The following UNC5D variants were observed in gnomAD, a reference collection of about 807,000 sequenced individuals.
UNC5D encodes netrin receptor UNC5D.
Under a neutral mutation model 105.4 loss-of-function variants are expected in UNC5D, and 39 were observed. The ratio of observed to expected loss-of-function variants is 0.37; its 90% confidence interval spans 0.29 to 0.48. The LOEUF (loss-of-function observed/expected upper bound fraction) is 0.48. Ranked by LOEUF, UNC5D falls within the 20% of genes least tolerant of loss-of-function variation. The pLI is 0.98. For synonymous variants in UNC5D, 452 were observed against 450.4 expected (o/e 1.00, Z -0.04); for missense variants, 991 against 1,202.4 (o/e 0.82, Z 2.60).
At chr8:35,527,641 C>CTCAGCAGG (rs1813974251) in intron 1 of UNC5D, among the ~76,000 whole-genome samples, 1 of 152,050 alleles carries the variant, frequency 6.6e-6, no homozygotes, top group African/African-American at 2.4e-5. Context: ...TTCCTGGGTT[C>CTCAGCAGG]AAGCGATTCT....
intron 13 of UNC5D, among the ~76,000 whole-genome samples, chr8:35,755,098 G>A (rs1473178642): frequency 6.6e-6 from 1 of 152,052 alleles, no homozygotes; most frequent in East Asian, 1.9e-4. Flanking sequence ...TTGAGAAATG[G>A]TGATATATCT....
chr8:35,297,809 G>T (rs1231902686), intron 1 of UNC5D, among the ~76,000 whole-genome samples: 2 of 151,764 alleles, frequency 1.3e-5, no homozygotes, highest in Non-Finnish European at 2.9e-5. Context: ...AGCTTAATAA[G>T]GCTCCATATC....
intron 3 of UNC5D, among the ~76,000 whole-genome samples, chr8:35,581,375 A>C (rs1227098527): frequency 6.6e-6 from 1 of 152,118 alleles, no homozygotes; most frequent in Non-Finnish European, 1.5e-5. Context: ...TGCCTACCTG[A>C]CACATCCACT....
At chr8:35,267,426 C>T (rs1019944535) in intron 1 of UNC5D, among the ~76,000 whole-genome samples, 3 of 151,976 alleles carry the variant, frequency 2.0e-5, no homozygotes, top group Non-Finnish European at 4.4e-5. Flanking sequence ...GGGAAGTGAC[C>T]ATGAATATTT....
At chr8:35,538,206 A>G (rs1254529587) in intron 1 of UNC5D, among the ~76,000 whole-genome samples, 2 of 151,612 alleles carry the variant, frequency 1.3e-5, no homozygotes, top group Non-Finnish European at 2.9e-5. Flanking sequence ...GAGGGGGGAC[A>G]TTCGTATCAT....
chr8:35,427,973 A>G, intron 1 of UNC5D, among the ~76,000 whole-genome samples: 1 of 152,202 alleles, frequency 6.6e-6, no homozygotes, highest in East Asian at 1.9e-4. Flanking sequence ...ACACTTTTCA[A>G]TAACAAAGTC....
chr8:35,689,526 T>C (rs1826248319), intron 7 of UNC5D, among the ~76,000 whole-genome samples: 1 of 152,228 alleles, frequency 6.6e-6, no homozygotes, highest in Non-Finnish European at 1.5e-5. Context: ...CATGTGATTC[T>C]GAAGCCCAGC....
At chr8:35,332,222 G>T (rs553180926) in intron 1 of UNC5D, among the ~76,000 whole-genome samples, 19 of 152,294 alleles carry the variant, frequency 1.2e-4, no homozygotes, top group African/African-American at 3.8e-4. Context: ...TAAAATTCAT[G>T]TTTGATATAG....
chr8:35,642,507 A>G (rs931430108), intron 4 of UNC5D, among the ~76,000 whole-genome samples: 5 of 141,736 alleles, frequency 3.5e-5, no homozygotes, highest in South Asian at 2.1e-4. Flanking sequence ...CCATAGTCAT[A>G]TATCTAAGTT....
intron 1 of UNC5D, among the ~76,000 whole-genome samples, chr8:35,473,247 G>A (rs535117687): frequency 2.8e-4 from 42 of 152,048 alleles, no homozygotes; most frequent in Non-Finnish European, 3.8e-4. Context: ...GGATGGGGAG[G>A]GGAGAATATC....
intron 1 of UNC5D, among the ~76,000 whole-genome samples, chr8:35,356,400 G>A (rs1029838538): frequency 3.9e-5 from 6 of 152,056 alleles, no homozygotes; most frequent in African/African-American, 1.4e-4. Flanking sequence ...CAACTGGGTA[G>A]TACTGAACCC....
At chr8:35,241,477 G>T (rs1331668351) in intron 1 of UNC5D, among the ~76,000 whole-genome samples, 1 of 152,158 alleles carries the variant, frequency 6.6e-6, no homozygotes, top group Admixed American at 6.5e-5. Flanking sequence ...ATAGAAATAT[G>T]AGGGTTGTGT....
intron 1 of UNC5D, among the ~76,000 whole-genome samples, chr8:35,251,090 T>A (rs1243739117): frequency 6.6e-6 from 1 of 152,132 alleles, no homozygotes; most frequent in East Asian, 1.9e-4. Context: ...CCGCCAATGG[T>A]TCACCTCTTC....
chr8:35,758,539 G>T (rs904126874), intron 13 of UNC5D, among the ~76,000 whole-genome samples: 1 of 152,102 alleles, frequency 6.6e-6, no homozygotes, highest in African/African-American at 2.4e-5. Context: ...CCCTGAATAT[G>T]TATTTGTTTT....
At chr8:35,711,607 AT>A (rs1225789737) in intron 8 of UNC5D, among the ~76,000 whole-genome samples, 1 of 151,974 alleles carries the variant, frequency 6.6e-6, no homozygotes, top group Non-Finnish European at 1.5e-5. Flanking sequence ...AGTTTCCCTT[AT>A]GTGTTCTGTT....
intron 1 of UNC5D, among the ~76,000 whole-genome samples, chr8:35,435,749 T>A (rs1192469613): frequency 6.6e-6 from 1 of 152,062 alleles, no homozygotes; most frequent in Non-Finnish European, 1.5e-5. Context: ...GGACACTGTC[T>A]CCTCTGGTTT....
At position 35,791,096 on chromosome 8, in the gene UNC5D, AATC is replaced by A; in HGVS notation, c.*534_*536del. The A allele has an allele frequency of 1.1e-5, 2 of 177,630 alleles. No individual in the cohort carries two copies. The highest frequency in any genetic ancestry group is 1.3e-4 in the South Asian group (1 of 7,704). The allele number at this position is 177,630 out of a possible 1,614,324, so 11.0% of individuals were successfully genotyped here. A position where few individuals can be genotyped will look rare whatever the true frequency, so the allele number is the denominator to read the frequency against. ...GTCAAGGAGGGCATTTAGAATTTAG[AATC>A]TGAGCACATCACACCAGCACCAGCT... On this transcript the variant is annotated 3_prime_UTR_variant, in exon 17 of 17. Coordinates refer to ENST00000404895, the MANE Select transcript of UNC5D (RefSeq NM_080872.4).
chr8:35,627,652 G>T (rs1821768964), intron 4 of UNC5D, among the ~76,000 whole-genome samples: 1 of 152,144 alleles, frequency 6.6e-6, no homozygotes, highest in Non-Finnish European at 1.5e-5. Flanking sequence ...AACTTGACTG[G>T]GCGCGGTGGC....
chr8:35,373,973 G>T (rs772995463), intron 1 of UNC5D, among the ~76,000 whole-genome samples: 4 of 152,102 alleles, frequency 2.6e-5, no homozygotes, highest in Non-Finnish European at 4.4e-5. Flanking sequence ...GGAAGGGAGC[G>T]CAAGGGAGTG....
Sources: allele counts gnomAD v4.1 joint callset (sites outside exome capture counted in the v4.1 genomes callset), GRCh38; gene constraint gnomAD v4.1.1; transcripts MANE v1.5; gene names NCBI Gene and HGNC (gene_info 2026-07-23, HGNC 2026-07-21).